Variants in SGCD observed in about 807,000 individuals in gnomAD.
The protein encoded by SGCD is delta-sarcoglycan.
SGCD carries 18 observed loss-of-function variants against 36.6 expected under a neutral mutation model. That is an observed-to-expected ratio of 0.49 (90% confidence interval 0.34 to 0.73). The LOEUF is 0.73. Among genes scored for constraint, SGCD ranks in the 30% least tolerant of loss-of-function variants. The probability of loss-of-function intolerance (pLI) is 0.01; values close to 1 mark genes in which losing one functional copy is unlikely to be tolerated. For missense variants in SGCD, 387 were observed against 346.7 expected, an observed-to-expected ratio of 1.12 and a Z score of -0.92; for synonymous variants, 133 against 130.6, an observed-to-expected ratio of 1.02 and a Z score of -0.12.
chr5:156,375,530 T>C (rs139980196), intron 3 of SGCD, among the ~76,000 whole-genome samples: 1 of 152,152 alleles, frequency 6.6e-6, no homozygotes, highest in Non-Finnish European at 1.5e-5. Context: ...ATGTGTAATA[T>C]TAATCTCCAG....
chr5:156,144,453 C>T (rs1268663138), intron 3 of SGCD, among the ~76,000 whole-genome samples: 2 of 152,168 alleles, frequency 1.3e-5, no homozygotes, highest in Non-Finnish European at 2.9e-5. Context: ...GATGGTATCT[C>T]ATTGTGGTTT....
intron 7 of SGCD, among the ~76,000 whole-genome samples, chr5:156,689,008 AG>A (rs1185509730): frequency 2.0e-5 from 3 of 152,242 alleles, no homozygotes; most frequent in African/African-American, 7.2e-5. Flanking sequence ...CCTGAAAACA[AG>A]TTACTACACA....
At chr5:156,118,585 A>G (rs1761959306) in intron 2 of SGCD, among the ~76,000 whole-genome samples, 1 of 152,150 alleles carries the variant, frequency 6.6e-6, no homozygotes, top group South Asian at 2.1e-4. Context: ...TTTATGAGAG[A>G]CACATATTTC....
At position 155,914,672 on chromosome 5, in the gene SGCD, G is replaced by A. The variant is rs111634956; in HGVS notation, c.-282+44248G>A. 2.6e-3 allele frequency among the ~76,000 whole-genome samples: 396 copies of A among 152,178 alleles called. 1 individual carries two copies. The highest frequency in any genetic ancestry group is 6.2e-3 in the Admixed American group (95 of 15,268). On this transcript the variant is annotated intron_variant, in intron 1 of 9. Coordinates refer to the SGCD transcript ENST00000517913. ...CCTCCAAACTTCCTACTTTAAAAGC[G>A]TATATTAAGTCCCTACAAGTATGCT...
rs147247755 is a variant in SGCD, at chr5:156,176,497, T to G, written c.-44+52478T>G. The stretch of plus-strand genomic sequence containing the variant: ...CTCCCATAGGAAGCTCTGTTCCATT[T>G]TTGAAATCCTAATTTCTATCTAGTT... On this transcript the variant is annotated intron_variant, in intron 3 of 9. Coordinates refer to the SGCD transcript ENST00000517913. Among the ~76,000 whole-genome samples the G allele has an allele frequency of 3.7e-3, 569 of 152,338 alleles. 5 individuals carry two copies. The highest frequency in any genetic ancestry group is 0.013 in the African/African-American group (535 of 41,582).
At chr5:156,148,175 C>T (rs1762750396) in intron 3 of SGCD, among the ~76,000 whole-genome samples, 1 of 152,122 alleles carries the variant, frequency 6.6e-6, no homozygotes, top group African/African-American at 2.4e-5. Context: ...ACATAATGAA[C>T]AACAAAAACT....
chr5:156,471,635 C>T (rs1411227785), intron 3 of SGCD, among the ~76,000 whole-genome samples: 1 of 151,870 alleles, frequency 6.6e-6, no homozygotes, highest in African/African-American at 2.4e-5. Flanking sequence ...TTACACTATA[C>T]AAAAAATTAA....
chr5:155,771,052 C>G, the SGCD span, among the ~76,000 whole-genome samples: 2 of 145,052 alleles, frequency 1.4e-5, no homozygotes, highest in Non-Finnish European at 3.1e-5. Flanking sequence ...CTCCTGTCAT[C>G]TGAACCAAAA....
At chr5:156,148,607 G>A (rs1008016670) in intron 3 of SGCD, among the ~76,000 whole-genome samples, 3 of 152,064 alleles carry the variant, frequency 2.0e-5, no homozygotes, top group African/African-American at 7.2e-5. Context: ...ATGAGGTCCA[G>A]CTGGTTGTTC....
chr5:156,207,628 G>A (rs142453421), intron 3 of SGCD, among the ~76,000 whole-genome samples: 10 of 152,128 alleles, frequency 6.6e-5, no homozygotes, highest in Admixed American at 2.0e-4. Flanking sequence ...GGCAAAAACC[G>A]CAATTACTTT....
At chr5:156,251,433 A>G (rs1335238815) in intron 3 of SGCD, among the ~76,000 whole-genome samples, 3 of 152,174 alleles carry the variant, frequency 2.0e-5, no homozygotes, top group African/African-American at 4.8e-5. Flanking sequence ...TGTGGATTTT[A>G]TACTCATAAA....
chr5:156,307,105 A>T (rs1374956961), intron 3 of SGCD, among the ~76,000 whole-genome samples: 1 of 151,194 alleles, frequency 6.6e-6, no homozygotes, highest in African/African-American at 2.4e-5. Flanking sequence ...GCAGTGGCAC[A>T]AACACAGATA....
chr5:156,444,528 T>G (rs1250137482), intron 3 of SGCD, among the ~76,000 whole-genome samples: 1 of 151,934 alleles, frequency 6.6e-6, no homozygotes, highest in Non-Finnish European at 1.5e-5. Flanking sequence ...CTTGCTTTCT[T>G]CCGAAAGATG....
At chr5:156,365,028 G>A (rs1770016292) in intron 3 of SGCD, among the ~76,000 whole-genome samples, 1 of 152,188 alleles carries the variant, frequency 6.6e-6, no homozygotes, top group Non-Finnish European at 1.5e-5. Flanking sequence ...CTACAATGGA[G>A]AGAAGTTTAA....
chr5:155,888,871 T>C (rs1561639445), intron 1 of SGCD, among the ~76,000 whole-genome samples: 1 of 152,228 alleles, frequency 6.6e-6, no homozygotes, highest in Admixed American at 6.5e-5. Flanking sequence ...TTGATTATTC[T>C]AATGTCCACA....
rs186915703 is a variant in SGCD, at chr5:156,242,262, G to A, written c.-43-87272G>A. 1.6e-4 allele frequency among the ~76,000 whole-genome samples: 24 copies of A among 152,286 alleles called. No individual in the cohort carries two copies. In the East Asian group the frequency reaches 4.2e-3, roughly 27 times the overall value. ...GTAAAAAACAAGTCAGTCTCAAAGG[G>A]ATAACATCCTTTAAGTAATGCAATT... On this transcript the variant is annotated intron_variant, in intron 3 of 9. Coordinates refer to the SGCD transcript ENST00000517913.
chr5:155,875,090 A>G (rs1379972309), intron 1 of SGCD, among the ~76,000 whole-genome samples: 1 of 152,154 alleles, frequency 6.6e-6, no homozygotes, highest in Non-Finnish European at 1.5e-5. Context: ...AAAGCAAACT[A>G]TTGATGCAAG....
intron 3 of SGCD, among the ~76,000 whole-genome samples, chr5:156,484,361 C>G (rs1385830788): frequency 1.3e-5 from 2 of 152,138 alleles, no homozygotes; most frequent in African/African-American, 2.4e-5. Flanking sequence ...TTGTTAAATA[C>G]TTTATAGAGG....
intron 4 of SGCD, among the ~76,000 whole-genome samples, chr5:156,542,907 A>C (rs1004800775): frequency 1.3e-5 from 2 of 152,214 alleles, no homozygotes; most frequent in Non-Finnish European, 2.9e-5. Context: ...GCACCCCTTC[A>C]TAGTCTTTTG....
Sources: allele counts gnomAD v4.1 joint callset (sites outside exome capture counted in the v4.1 genomes callset), GRCh38; gene constraint gnomAD v4.1.1; transcripts MANE v1.5; gene names NCBI Gene and HGNC (gene_info 2026-07-23, HGNC 2026-07-21).